The following CDK14 variants were observed in gnomAD, a reference collection of about 807,000 sequenced individuals.
The protein encoded by CDK14 is cyclin-dependent kinase 14.
In CDK14, 34 loss-of-function variants were observed where a neutral mutation model predicts 60.7. The observed-to-expected ratio is 0.56, with a 90% CI of 0.43 to 0.75. The LOEUF (loss-of-function observed/expected upper bound fraction) is 0.75, where lower values mean the gene tolerates loss of function less well. Among genes scored for constraint, CDK14 ranks in the 30% least tolerant of loss-of-function variants. The probability of loss-of-function intolerance (pLI) is 0.00; values close to 1 mark genes in which losing one functional copy is unlikely to be tolerated. For missense variants in CDK14, 482 were observed against 564.1 expected, an observed-to-expected ratio of 0.85 and a Z score of 1.47; for synonymous variants, 197 against 203.7, an observed-to-expected ratio of 0.97 and a Z score of 0.28.
intron 14 of CDK14, among the ~76,000 whole-genome samples, chr7:91,158,692 T>G (rs1269743366): frequency 1.3e-5 from 2 of 152,206 alleles, no homozygotes; most frequent in Admixed American, 6.5e-5. Flanking sequence ...AAAGGAAGAC[T>G]GTGAGAGGTT....
chr7:91,096,963 C>T (rs1168739048), intron 12 of CDK14, among the ~76,000 whole-genome samples: 1 of 152,208 alleles, frequency 6.6e-6, no homozygotes, highest in Non-Finnish European at 1.5e-5. Flanking sequence ...ACACCCTCAA[C>T]AGGATACAGC....
chr7:90,884,453 A>G (rs1030161490), intron 6 of CDK14, among the ~76,000 whole-genome samples: 1 of 152,184 alleles, frequency 6.6e-6, no homozygotes, highest in African/African-American at 2.4e-5. Flanking sequence ...ACAAATGGAA[A>G]AACATTCCAT....
intron 10 of CDK14, among the ~76,000 whole-genome samples, chr7:90,985,353 C>T (rs962974929): frequency 3.1e-4 from 47 of 152,222 alleles, no homozygotes; most frequent in African/African-American, 1.1e-3. Context: ...ACAGCACCTT[C>T]TTCATAGGTG....
At chr7:91,133,093 C>T (rs1032025379) in intron 14 of CDK14, among the ~76,000 whole-genome samples, 2 of 151,742 alleles carry the variant, frequency 1.3e-5, no homozygotes, top group Non-Finnish European at 2.9e-5. Flanking sequence ...AATGGAAAAG[C>T]GAGTTTCTAG....
At chr7:91,047,885 C>A (rs1333004596) in intron 11 of CDK14, among the ~76,000 whole-genome samples, 1 of 152,120 alleles carries the variant, frequency 6.6e-6, no homozygotes, top group Admixed American at 6.5e-5. Flanking sequence ...TCCAGGGGAG[C>A]CCCAGTCCCT....
At chr7:90,727,643 C>T (rs1324561984) in intron 3 of CDK14, among the ~76,000 whole-genome samples, 2 of 152,000 alleles carry the variant, frequency 1.3e-5, no homozygotes, top group Non-Finnish European at 2.9e-5. Flanking sequence ...TTGTCATTGT[C>T]TACTTTTCCT....
At chr7:90,677,391 G>T (rs952593959) in intron 2 of CDK14, among the ~76,000 whole-genome samples, 2 of 152,116 alleles carry the variant, frequency 1.3e-5, no homozygotes, top group Non-Finnish European at 2.9e-5. Context: ...CCAAACAAAG[G>T]TGCCTTAAAG....
At chr7:90,765,802 G>A (rs1236047392) in intron 4 of CDK14, among the ~76,000 whole-genome samples, 1 of 151,986 alleles carries the variant, frequency 6.6e-6, no homozygotes, top group Non-Finnish European at 1.5e-5. Flanking sequence ...AACTAAATGG[G>A]GAATAATCGA....
chr7:90,949,756 C>CCA (rs1794200686), intron 8 of CDK14, among the ~76,000 whole-genome samples: 2 of 152,214 alleles, frequency 1.3e-5, no homozygotes, highest in South Asian at 4.1e-4. Context: ...TGTTGAAAGT[C>CCA]TGGACAGAAA....
intron 2 of CDK14, chr7:90,632,576 A>T (rs1800027106): frequency 6.4e-6 from 1 of 156,536 alleles, no homozygotes; most frequent in Non-Finnish European, 1.4e-5. Context: ...TCCAGACTAG[A>T]GAGAATGCTC....
intron 2 of CDK14, among the ~76,000 whole-genome samples, chr7:90,724,027 G>A (rs1457387591): frequency 1.3e-5 from 2 of 152,050 alleles, no homozygotes; most frequent in Non-Finnish European, 2.9e-5. Flanking sequence ...TTCCTTTAAT[G>A]TTTGTTTTAA....
At chr7:90,726,046 T>A (rs568539314) in intron 2 of CDK14, among the ~76,000 whole-genome samples, 39 of 152,238 alleles carry the variant, frequency 2.6e-4, no homozygotes, top group African/African-American at 8.4e-4. Context: ...TCATTCCAAT[T>A]TGGAGATGAA....
chr7:91,190,441 A>T (rs1048483607), intron 14 of CDK14, among the ~76,000 whole-genome samples: 2 of 152,166 alleles, frequency 1.3e-5, no homozygotes, highest in East Asian at 3.8e-4. Flanking sequence ...GAAATAATAT[A>T]AAGTAGGAAA....
At chr7:90,949,999 A>G (rs1293943683) in intron 8 of CDK14, among the ~76,000 whole-genome samples, 1 of 152,258 alleles carries the variant, frequency 6.6e-6, no homozygotes, top group Non-Finnish European at 1.5e-5. Flanking sequence ...TAGTGATTAT[A>G]TGAGTAGATT....
At chr7:90,808,726 C>G in intron 5 of CDK14, among the ~76,000 whole-genome samples, 1 of 152,136 alleles carries the variant, frequency 6.6e-6, no homozygotes, top group Non-Finnish European at 1.5e-5. Context: ...AAACCCATCT[C>G]ATGTGCAGAG....
intron 12 of CDK14, among the ~76,000 whole-genome samples, chr7:91,082,207 G>T (rs999402957): frequency 2.0e-5 from 3 of 152,208 alleles, no homozygotes; most frequent in African/African-American, 7.2e-5. Flanking sequence ...CTTAGTGTAT[G>T]CTCTCCAGCA....
intron 3 of CDK14, among the ~76,000 whole-genome samples, chr7:90,736,154 A>G (rs572781325): frequency 2.0e-4 from 30 of 151,968 alleles, no homozygotes; most frequent in East Asian, 5.8e-4. Context: ...GGCTGCACCA[A>G]CTGTCCAACC....
At chr7:91,079,402 A>G (rs1233324218) in intron 11 of CDK14, 30 bp from the exon 12 acceptor site, 1 of 1,450,884 alleles carries the variant, frequency 6.9e-7, no homozygotes, top group Non-Finnish European at 9.6e-7. Context: ...TGATACAAAG[A>G]TTGTTTATCA....
Position 90,899,312 on chromosome 7 carries a change from A to C in CDK14, c.661A>C (p.Met221Leu). The C allele has an allele frequency of 6.2e-7, 1 of 1,603,316 alleles. No individual in the cohort carries two copies. Among genetic ancestry groups the C allele is most frequent in the Non-Finnish European group, 8.5e-7 (1 of 1,175,590 alleles). Residue 221 changes from methionine to leucine, a missense_variant, in exon 7 of 15, where the codon ATG becomes CTG. Met to Leu is a conservative substitution (Grantham distance 15). Transcript: ENST00000380050. ...CTAGCACACTGATTTATGTCAGTACATGGACAAGCACCCTGGGGGGCTGCA... is the reference window on the plus strand; with the variant it reads ...CTAGCACACTGATTTATGTCAGTACCTGGACAAGCACCCTGGGGGGCTGCA... ...EYVHTDLCQYMDKHPGGLHPD... is the reference protein window; with the variant it reads ...EYVHTDLCQYLDKHPGGLHPD...
Sources: gnomAD v4.1 joint callset for allele counts (sites outside exome capture counted in the v4.1 genomes callset) on GRCh38, gnomAD v4.1.1 for gene constraint, MANE v1.5 for transcripts, NCBI Gene and HGNC (gene_info 2026-07-23, HGNC 2026-07-21) for gene names.